Variants in DMD observed in about 807,000 individuals in gnomAD.
DMD encodes the protein mutant dystrophin.
Under a neutral mutation model 330.1 loss-of-function variants are expected in DMD, and 63 were observed. The ratio of observed to expected loss-of-function variants is 0.19; its 90% CI spans 0.16 to 0.24. The LOEUF (loss-of-function observed/expected upper bound fraction) is 0.24, where lower values mean the gene tolerates loss of function less well. Ranked by LOEUF, DMD falls within the 10% of genes least tolerant of loss-of-function variation. The probability of loss-of-function intolerance (pLI) is 1.00; values close to 1 mark genes in which losing one functional copy is unlikely to be tolerated. For synonymous variants in DMD, 1,223 were observed against 959.8 expected, an observed-to-expected ratio of 1.27 and a Z score of -5.07; for missense variants, 3,344 against 2,684.1, an observed-to-expected ratio of 1.25 and a Z score of -5.43.
chrX:32,860,823 G>A (rs970932017), intron 2 of DMD, among the ~76,000 whole-genome samples: 1 of 110,990 alleles, frequency 9.0e-6, no homozygotes, highest in Admixed American at 9.7e-5. Context: ...CCACTATGAC[G>A]ACTTGTGGCA....
chrX:32,061,184 G>C (rs1005915312), intron 44 of DMD, among the ~76,000 whole-genome samples: 1 of 110,967 alleles, frequency 9.0e-6, no homozygotes, highest in African/African-American at 3.3e-5. Context: ...GTTGTTTATG[G>C]ATACCTCAAA....
At chrX:31,446,760 G>A (rs1303909800) in intron 59 of DMD, among the ~76,000 whole-genome samples, 1 of 112,137 alleles carries the variant, frequency 8.9e-6, no homozygotes, top group African/African-American at 3.2e-5. Context: ...AAATGTCAAT[G>A]GGGGAAACTT....
At chrX:32,968,397 C>A (rs1477478844) in intron 2 of DMD, among the ~76,000 whole-genome samples, 3 of 111,369 alleles carry the variant, frequency 2.7e-5, no homozygotes, top group Non-Finnish European at 5.6e-5. Context: ...TTGAGAGGAT[C>A]GAATTGCTTC....
At chrX:32,933,011 G>A (rs1423044917) in intron 2 of DMD, among the ~76,000 whole-genome samples, 1 of 111,325 alleles carries the variant, frequency 9.0e-6, no homozygotes, top group Non-Finnish European at 1.9e-5. Flanking sequence ...TTATCCAAAC[G>A]TATATGGCTA....
intron 2 of DMD, among the ~76,000 whole-genome samples, chrX:32,918,812 G>A (rs760504024): frequency 8.0e-5 from 9 of 112,295 alleles, no homozygotes; most frequent in Non-Finnish European, 1.7e-4. Context: ...ATTGGAATGA[G>A]GAGAAGGACA....
intron 1 of DMD, among the ~76,000 whole-genome samples, chrX:33,305,062 A>T (rs1444081017): frequency 1.8e-5 from 2 of 110,215 alleles, no homozygotes; most frequent in Non-Finnish European, 3.8e-5. Context: ...CCATCCCATT[A>T]CTGGGTATAT....
At chrX:31,959,519 T>C (rs2095279417) in intron 45 of DMD, among the ~76,000 whole-genome samples, 1 of 111,841 alleles carries the variant, frequency 8.9e-6, no homozygotes, top group African/African-American at 3.3e-5. Flanking sequence ...TTACTTCTCA[T>C]TTGGTATGGG....
chrX:33,319,573 G>A (rs977652892), intron 1 of DMD, among the ~76,000 whole-genome samples: 7 of 111,697 alleles, frequency 6.3e-5, no homozygotes, highest in East Asian at 2.8e-4. Context: ...AGATCTTATC[G>A]TGTATTATCT....
chrX:31,421,858 A>ACT (rs56157177), intron 60 of DMD, among the ~76,000 whole-genome samples: 3,870 of 77,261 alleles, frequency 0.05, 102 homozygotes, highest in Middle Eastern at 0.15. Flanking sequence ...CTCCCTGCTT[A>ACT]CTCTCTCTCT....
chrX:32,239,718 A>G (rs1460209209), intron 43 of DMD, among the ~76,000 whole-genome samples: 1 of 111,377 alleles, frequency 9.0e-6, no homozygotes, highest in Non-Finnish European at 1.9e-5. Flanking sequence ...CTCTGCCTTC[A>G]CCACTATAAA....
intron 1 of DMD, among the ~76,000 whole-genome samples, chrX:33,113,183 A>G (rs2095354374): frequency 9.5e-6 from 1 of 105,330 alleles, no homozygotes; most frequent in South Asian, 4.4e-4. Context: ...CCTCCCTAGT[A>G]GCTGGAATAA....
At chrX:33,329,210 T>A (rs978831448) in intron 1 of DMD, among the ~76,000 whole-genome samples, 15 of 110,453 alleles carry the variant, frequency 1.4e-4, no homozygotes, top group Non-Finnish European at 5.7e-5. Flanking sequence ...TAGAAAAAAA[T>A]GGAAATGAGA....
intron 62 of DMD, among the ~76,000 whole-genome samples, chrX:31,315,491 C>T (rs72625572): frequency 0.15 from 16,985 of 111,324 alleles, 997 homozygotes; most frequent in Non-Finnish European, 0.18. Context: ...TTTTCTAACA[C>T]GTGATTATGT....
intron 55 of DMD, among the ~76,000 whole-genome samples, chrX:31,617,561 A>AAAAAAAG (rs2078278800): frequency 9.5e-6 from 1 of 105,341 alleles, no homozygotes; most frequent in Non-Finnish European, 2.0e-5. Flanking sequence ...AAAAAAAAAA[A>AAAAAAAG]GTCAAAAAAT....
At chrX:32,559,249 G>A (rs1045818752) in intron 16 of DMD, among the ~76,000 whole-genome samples, 14 of 110,264 alleles carry the variant, frequency 1.3e-4, no homozygotes, top group Admixed American at 5.8e-4. Context: ...CACCACACTC[G>A]GTCAACTTCA....
chrX:32,183,618 ATACTC>A (rs1375115985), intron 44 of DMD, among the ~76,000 whole-genome samples: 1 of 105,266 alleles, frequency 9.5e-6, no homozygotes, highest in East Asian at 2.9e-4. Context: ...AATCTAAAAA[ATACTC>A]TAACTGACAA....
chrX:32,910,990 C>A (rs2087189793), intron 2 of DMD, among the ~76,000 whole-genome samples: 2 of 111,663 alleles, frequency 1.8e-5, no homozygotes, highest in South Asian at 7.5e-4. Context: ...CAGTCTTCAT[C>A]AACAGTTTGG....
intron 62 of DMD, among the ~76,000 whole-genome samples, chrX:31,266,466 G>A (rs751164236): frequency 8.9e-6 from 1 of 112,791 alleles, no homozygotes; most frequent in East Asian, 2.8e-4. Context: ...CACACTGGCA[G>A]CCTGGAAAGG....
intron 7 of DMD, among the ~76,000 whole-genome samples, chrX:32,769,253 C>T (rs2073341215): frequency 8.9e-6 from 1 of 112,090 alleles, no homozygotes; most frequent in South Asian, 3.7e-4. Flanking sequence ...ACAATCATGG[C>T]AGAATGCGAA....
Sources: allele counts gnomAD v4.1 joint callset (sites outside exome capture counted in the v4.1 genomes callset), GRCh38; gene constraint gnomAD v4.1.1; transcripts MANE v1.5; gene names NCBI Gene and HGNC (gene_info 2026-07-23, HGNC 2026-07-21).